GTF2E1: variants seen among roughly 807,000 people sequenced by gnomAD.
The protein encoded by GTF2E1 is general transcription factor IIE subunit 1.
In GTF2E1, 14 loss-of-function variants were observed where a neutral mutation model predicts 34.9. The observed-to-expected ratio is 0.40, with a 90% CI of 0.27 to 0.63. The LOEUF is 0.63. Among genes scored for constraint, GTF2E1 ranks in the 20% least tolerant of loss-of-function variants. The pLI, the probability that GTF2E1 is intolerant of heterozygous loss-of-function variation, is 0.39. For synonymous variants in GTF2E1, 188 were observed against 192.9 expected, an observed-to-expected ratio of 0.97 and a Z score of 0.21; for missense variants, 469 against 557.7, an observed-to-expected ratio of 0.84 and a Z score of 1.60.
At position 120,780,265 on chromosome 3, in the gene GTF2E1, A is replaced by G. The variant is rs116105328; in HGVS notation, c.893-778A>G. Among the ~76,000 whole-genome samples the G allele has an allele frequency of 2.3e-3, 348 of 152,336 alleles. 3 individuals carry two copies. The highest frequency in any genetic ancestry group is 7.8e-3 in the African/African-American group (326 of 41,580). On this transcript the variant is annotated intron_variant, in intron 4 of 4. Transcript: ENST00000283875. ...TTGGAAAGGGGGTGACAAAGACAAT[A>G]GATGTAAGTTATTCATTATGTTAGG... is the stretch of plus-strand genomic sequence containing the variant.
intron 2 of GTF2E1, among the ~76,000 whole-genome samples, chr3:120,768,726 C>A (rs983351833): frequency 1.3e-5 from 2 of 152,126 alleles, no homozygotes; most frequent in African/African-American, 4.8e-5. Context: ...TATTTTTAAG[C>A]CCCCACATGA....
intron 2 of GTF2E1, among the ~76,000 whole-genome samples, chr3:120,762,464 T>C (rs754999295): frequency 1.3e-5 from 2 of 152,230 alleles, no homozygotes; most frequent in Non-Finnish European, 2.9e-5. Context: ...TTTACCATTA[T>C]GTAGTGGCCT....
intron 2 of GTF2E1, among the ~76,000 whole-genome samples, chr3:120,756,953 A>C (rs988341321): frequency 8.5e-5 from 13 of 152,140 alleles, no homozygotes; most frequent in South Asian, 2.1e-4. Context: ...ACAAAAAAAA[A>C]CAATCTTTTA....
intron 4 of GTF2E1, among the ~76,000 whole-genome samples, chr3:120,780,411 G>A (rs1709436942): frequency 6.6e-6 from 1 of 152,164 alleles, no homozygotes; most frequent in South Asian, 2.1e-4. Flanking sequence ...AGTACCTAAA[G>A]GAAAAATATT....
intron 1 of GTF2E1, among the ~76,000 whole-genome samples, chr3:120,744,766 G>C (rs536093737): frequency 1.6e-4 from 24 of 151,892 alleles, no homozygotes; most frequent in African/African-American, 5.6e-4. Context: ...ACTTGAGTCC[G>C]TTCCTCATAT....
intron 2 of GTF2E1, among the ~76,000 whole-genome samples, chr3:120,758,738 A>T (rs1042539253): frequency 2.0e-5 from 3 of 152,182 alleles, no homozygotes; most frequent in African/African-American, 7.2e-5. Flanking sequence ...ATGTCCCTGC[A>T]AAGGACATGA....
At position 120,781,506 on chromosome 3, in the gene GTF2E1, A is replaced by T. The variant is rs1424036880; in HGVS notation, c.*36A>T. 1.3e-6 allele frequency: 2 copies of T among 1,508,488 alleles called. No individual in the cohort carries two copies. Among genetic ancestry groups the T allele is most frequent in the Non-Finnish European group, 1.8e-6 (2 of 1,091,982 alleles). The allele number at this position is 1,508,488 out of a possible 1,614,324, so 93.4% of individuals were successfully genotyped here. On this transcript the variant is annotated 3_prime_UTR_variant, in exon 5 of 5. Transcript: ENST00000283875. ...ATTCTTTCTCCTTTCTCTAATGCTC[A>T]GTTCAAAAAGGAATGTCTCATCTTT...
chr3:120,749,356 G>T (rs948861554), intron 1 of GTF2E1, among the ~76,000 whole-genome samples: 68 of 152,184 alleles, frequency 4.5e-4, no homozygotes, highest in Admixed American at 6.5e-4. Context: ...ATGCTTCCAG[G>T]TTTTGCCCAT....
intron 2 of GTF2E1, among the ~76,000 whole-genome samples, chr3:120,755,494 A>AT (rs1422598195): frequency 6.6e-6 from 1 of 152,088 alleles, no homozygotes; most frequent in Non-Finnish European, 1.5e-5. Context: ...ATTAAAAGAA[A>AT]TTTTTTGTGG....
chr3:120,778,491 T>C (rs2107614021), intron 4 of GTF2E1, among the ~76,000 whole-genome samples: 1 of 152,342 alleles, frequency 6.6e-6, no homozygotes, highest in African/African-American at 2.4e-5. Flanking sequence ...CTCATTACTA[T>C]ACTGAAGAAA....
In GTF2E1 at chr3:120,742,784, G is replaced by C. The variant is rs924878792; in HGVS notation, c.-41G>C. On this transcript the variant is annotated 5_prime_UTR_variant, in exon 1 of 5. Transcript: ENST00000283875. Reference sequence around the variant, plus strand: ...GGCAGCTGTAGTGGGAGTGTTCCAGGATTCGCCTTGGTAAACCTTGTTCCC... The same window carrying C: ...GGCAGCTGTAGTGGGAGTGTTCCAGCATTCGCCTTGGTAAACCTTGTTCCC... 1 of 502,838 alleles carries C rather than the reference G, an allele frequency of 2.0e-6. No individual in the cohort carries two copies. The allele number at this position is 502,838 out of a possible 1,614,324, so 31.1% of individuals were successfully genotyped here.
At chr3:120,755,445 T>C (rs1709200129) in intron 2 of GTF2E1, among the ~76,000 whole-genome samples, 1 of 152,198 alleles carries the variant, frequency 6.6e-6, no homozygotes. Flanking sequence ...TGTCTTCTCT[T>C]TCTACTTAGA....
intron 2 of GTF2E1, among the ~76,000 whole-genome samples, chr3:120,755,023 A>G (rs1320588610): frequency 6.6e-6 from 1 of 152,172 alleles, no homozygotes; most frequent in Non-Finnish European, 1.5e-5. Context: ...GACACTTCTC[A>G]TGGAGATTTA....
intron 3 of GTF2E1, among the ~76,000 whole-genome samples, chr3:120,774,713 A>G (rs1709384167): frequency 6.6e-6 from 1 of 152,124 alleles, no homozygotes; most frequent in African/African-American, 2.4e-5. Context: ...TGGAGAGCAA[A>G]TAACTGGTAG....
chr3:120,744,180 C>A (rs1049065801), intron 1 of GTF2E1, among the ~76,000 whole-genome samples: 2 of 152,156 alleles, frequency 1.3e-5, no homozygotes, highest in African/African-American at 2.4e-5. Flanking sequence ...TGAACTCTTA[C>A]AATTTTTAAA....
At chr3:120,758,114 C>A (rs1443533166) in intron 2 of GTF2E1, among the ~76,000 whole-genome samples, 1 of 152,156 alleles carries the variant, frequency 6.6e-6, no homozygotes. Context: ...GAGCCAAGAT[C>A]ACGCCACTGC....
chr3:120,762,199 G>A (rs181351442), intron 2 of GTF2E1, among the ~76,000 whole-genome samples: 58 of 152,278 alleles, frequency 3.8e-4, no homozygotes, highest in African/African-American at 1.3e-3. Flanking sequence ...TGTTGATTTG[G>A]GATGTAGAGA....
chr3:120,758,816 A>G (rs528255443), intron 2 of GTF2E1, among the ~76,000 whole-genome samples: 2 of 152,282 alleles, frequency 1.3e-5, no homozygotes, highest in East Asian at 1.9e-4. Flanking sequence ...AATCCAGTCT[A>G]TCATTGACAG....
Position 120,764,089 on chromosome 3 carries a change from C to T in GTF2E1, c.449-6639C>T, listed in dbSNP as rs377108082. ...TCCAAACATTTGCATGACTTGCTCC[C>T]ATCTTTAAGTCTCTGCTTTTACATT... On this transcript the variant is annotated intron_variant, in intron 2 of 4. Transcript: ENST00000283875. Among the ~76,000 whole-genome samples, 121 of 152,252 alleles carry T rather than the reference C, an allele frequency of 7.9e-4. 1 individual carries two copies. The highest frequency in any genetic ancestry group is 2.8e-3 in the African/African-American group (117 of 41,554).
Sources: gnomAD v4.1 joint callset for allele counts (sites outside exome capture counted in the v4.1 genomes callset) on GRCh38, gnomAD v4.1.1 for gene constraint, MANE v1.5 for transcripts, NCBI Gene and HGNC (gene_info 2026-07-23, HGNC 2026-07-21) for gene names.